Variants in DLGAP1 observed in about 807,000 individuals in gnomAD.
DLGAP1 encodes the protein disks large-associated protein 1.
A neutral mutation model predicts 90.8 loss-of-function variants in DLGAP1; 11 were observed. The ratio of observed to expected loss-of-function variants is 0.12; its 90% confidence interval spans 0.08 to 0.20. The LOEUF is 0.20. DLGAP1 is among the 10% of genes least tolerant of loss of function. DLGAP1 has a pLI of 1.00. For synonymous variants in DLGAP1, 558 were observed against 540.7 expected (o/e 1.03, Z -0.44); for missense variants, 1,050 against 1,333.8 (o/e 0.79, Z 3.31).
chr18:3,722,647 A>G (rs2062020034), intron 7 of DLGAP1: 1 of 152,184 alleles, frequency 6.6e-6, no homozygotes, highest in Admixed American at 6.5e-5. Context: ...AATATTTATT[A>G]TTTGATTTTA....
chr18:4,373,118 GCCA>G (rs2081950482), intron 1 of DLGAP1, among the ~76,000 whole-genome samples: 1 of 152,022 alleles, frequency 6.6e-6, no homozygotes, highest in African/African-American at 2.4e-5. Flanking sequence ...ACAGTGGGCA[GCCA>G]CTGAGTACAT....
intron 7 of DLGAP1, among the ~76,000 whole-genome samples, chr18:3,681,929 C>T (rs12964309): frequency 0.33 from 50,465 of 151,476 alleles, 9,021 homozygotes; most frequent in East Asian, 0.63. Flanking sequence ...ACCAGCCTGG[C>T]CAACATGGTG....
Position 3,830,144 on chromosome 18 carries a change from T to C in DLGAP1, c.958-15871A>G, listed in dbSNP as rs1253140101. On this transcript the variant is annotated intron_variant, in intron 4 of 12. Transcript: ENST00000315677. The stretch of plus-strand genomic sequence containing the variant: ...GGCTCTGTACCAGCACCTAGCAAGG[T>C]GCCTGGCATGTCAATTTCATTGACA... Among the ~76,000 whole-genome samples, 9 of 152,316 alleles carry C rather than the reference T, an allele frequency of 5.9e-5. No individual in the cohort carries two copies. In the East Asian group the frequency reaches 1.4e-3, roughly 23 times the overall value.
intron 1 of DLGAP1, among the ~76,000 whole-genome samples, chr18:4,158,934 A>G (rs2076800864): frequency 6.6e-6 from 1 of 152,188 alleles, no homozygotes; most frequent in Non-Finnish European, 1.5e-5. Context: ...GCAATCAGTC[A>G]TACCTCAATA....
At chr18:4,039,946 T>C (rs140437098) in intron 2 of DLGAP1, among the ~76,000 whole-genome samples, 4 of 152,346 alleles carry the variant, frequency 2.6e-5, no homozygotes, top group Admixed American at 2.0e-4. Flanking sequence ...CATTTCCATG[T>C]TGAGGACACA....
intron 1 of DLGAP1, among the ~76,000 whole-genome samples, chr18:4,229,522 A>G (rs1470574214): frequency 6.6e-6 from 1 of 152,048 alleles, no homozygotes; most frequent in Non-Finnish European, 1.5e-5. Flanking sequence ...AAACAAATTC[A>G]TACATCGACA....
At chr18:3,833,236 T>C (rs552596883) in intron 4 of DLGAP1, among the ~76,000 whole-genome samples, 15 of 115,182 alleles carry the variant, frequency 1.3e-4, no homozygotes, top group Non-Finnish European at 2.4e-4. Flanking sequence ...CTTCCTTCCT[T>C]CCTCCTTGTT....
intron 5 of DLGAP1, among the ~76,000 whole-genome samples, chr18:3,798,269 G>T (rs1415101116): frequency 6.6e-6 from 1 of 152,196 alleles, no homozygotes; most frequent in Non-Finnish European, 1.5e-5. Context: ...GTCAGTGAGA[G>T]ACGAATAAAG....
intron 5 of DLGAP1, among the ~76,000 whole-genome samples, chr18:3,773,601 A>C (rs2064800531): frequency 6.6e-6 from 1 of 152,150 alleles, no homozygotes; most frequent in African/African-American, 2.4e-5. Flanking sequence ...GAAAACAAGA[A>C]CTGGCAGAGC....
intron 2 of DLGAP1, among the ~76,000 whole-genome samples, chr18:4,070,309 T>A (rs1218171921): frequency 1.3e-5 from 2 of 152,096 alleles, no homozygotes; most frequent in Non-Finnish European, 2.9e-5. Context: ...ACCCAACTTT[T>A]TTCACAACAG....
chr18:3,729,693 G>A lies in DLGAP1; in HGVS notation c.1351-318C>T, dbSNP rs2062347909. Among the ~76,000 whole-genome samples, 1 of 152,124 alleles carries A rather than the reference G, an allele frequency of 6.6e-6. No individual in the cohort carries two copies. Among genetic ancestry groups the A allele is most frequent in the South Asian group, 2.1e-4 (1 of 4,832 alleles). On this transcript the variant is annotated intron_variant, in intron 6 of 12. Transcript: ENST00000315677. This position sits in a 1 kb window ranked among gnomAD's most constrained non-coding sequence, Gnocchi z 6.2. ...CAAAGTGCTGGGATTACAGGCATGA[G>A]CTACCACCACCAGCCGTGATTACAT...
intron 3 of DLGAP1, among the ~76,000 whole-genome samples, chr18:3,897,944 G>A (rs866066920): frequency 3.8e-4 from 58 of 151,528 alleles, no homozygotes; most frequent in African/African-American, 1.2e-3. Flanking sequence ...ACAGGCGCCC[G>A]CCACCGCGCC....
At chr18:3,871,804 T>A (rs1335259343) in intron 4 of DLGAP1, among the ~76,000 whole-genome samples, 1 of 152,348 alleles carries the variant, frequency 6.6e-6, no homozygotes, top group Non-Finnish European at 1.5e-5. Context: ...AAAAACAGCA[T>A]GTGTATAAAT....
At chr18:3,856,382 G>T (rs574406363) in intron 4 of DLGAP1, among the ~76,000 whole-genome samples, 1 of 152,272 alleles carries the variant, frequency 6.6e-6, no homozygotes, top group South Asian at 2.1e-4. Flanking sequence ...TTGAATGCAA[G>T]ACACTGAGGC....
At chr18:4,128,787 G>A (rs2076270703) in intron 2 of DLGAP1, among the ~76,000 whole-genome samples, 1 of 152,096 alleles carries the variant, frequency 6.6e-6, no homozygotes, top group Non-Finnish European at 1.5e-5. Context: ...GAGAGTGAAC[G>A]ACAGAAGCCA....
intron 7 of DLGAP1, among the ~76,000 whole-genome samples, chr18:3,634,356 T>C (rs1353598894): frequency 6.6e-6 from 1 of 152,198 alleles, no homozygotes; most frequent in Non-Finnish European, 1.5e-5. Context: ...TTGTATTTAT[T>C]GCTATTCAAG....
intron 4 of DLGAP1, among the ~76,000 whole-genome samples, chr18:3,847,262 A>G (rs1292039040): frequency 6.6e-6 from 1 of 152,186 alleles, no homozygotes; most frequent in Non-Finnish European, 1.5e-5. Context: ...TAATTATATG[A>G]ATGAGTTTTA....
At chr18:3,981,784 T>C (rs890519276) in intron 3 of DLGAP1, among the ~76,000 whole-genome samples, 1 of 152,206 alleles carries the variant, frequency 6.6e-6, no homozygotes, top group Non-Finnish European at 1.5e-5. Context: ...GAATTTATGG[T>C]ATACTGTACC....
intron 2 of DLGAP1, among the ~76,000 whole-genome samples, chr18:4,010,378 C>T (rs1425110982): frequency 6.6e-6 from 1 of 151,992 alleles, no homozygotes; most frequent in Non-Finnish European, 1.5e-5. Flanking sequence ...GACTCTGTCT[C>T]TACAAAAAAA....
Sources: gnomAD v4.1 joint callset for allele counts (sites outside exome capture counted in the v4.1 genomes callset) on GRCh38, gnomAD v4.1.1 for gene constraint, Gnocchi (gnomAD v3.1) non-coding constraint, MANE v1.5 for transcripts, NCBI Gene and HGNC (gene_info 2026-07-23, HGNC 2026-07-21) for gene names.